TAS2R1: variants seen among roughly 807,000 people sequenced by gnomAD.
TAS2R1 encodes the protein taste receptor type 2 member 1.
For missense variants in TAS2R1, 370 were observed against 353.4 expected (o/e 1.05, Z -0.38); for synonymous variants, 141 against 134.2 (o/e 1.05, Z -0.35).
the TAS2R1 span, chr5:9,863,167 C>G: frequency 1.1e-4 from 16 of 152,124 alleles, no homozygotes; most frequent in African/African-American, 3.4e-4. Context: ...TAAACACTTC[C>G]CTCTACCACC....
chr5:9,819,096 C>T, the TAS2R1 span, among the ~76,000 whole-genome samples: 14 of 152,288 alleles, frequency 9.2e-5, no homozygotes, highest in East Asian at 2.5e-3. Context: ...CTCCTTAGAG[C>T]CCTCAGTTAC....
At chr5:9,854,841 G>A in the TAS2R1 span, among the ~76,000 whole-genome samples, 1 of 152,146 alleles carries the variant, frequency 6.6e-6, no homozygotes, top group African/African-American at 2.4e-5. Context: ...AGGATATTCA[G>A]CCCATATTAA....
At chr5:9,727,486 G>A in the TAS2R1 span, among the ~76,000 whole-genome samples, 1 of 152,184 alleles carries the variant, frequency 6.6e-6, no homozygotes, top group Non-Finnish European at 1.5e-5. Flanking sequence ...CCATGAGAAT[G>A]CTTTGGAGAT....
At chr5:9,891,543 T>C in the TAS2R1 span, among the ~76,000 whole-genome samples, 2 of 152,068 alleles carry the variant, frequency 1.3e-5, no homozygotes, top group African/African-American at 4.8e-5. Context: ...CAAAGGTGGC[T>C]GGGGGAGGGC....
intron 1 of TAS2R1, among the ~76,000 whole-genome samples, chr5:9,688,831 G>T (rs554114393): frequency 1.1e-4 from 17 of 152,046 alleles, no homozygotes; most frequent in Non-Finnish European, 2.5e-4. Flanking sequence ...TTGTAAAAGC[G>T]ACTGTCTGCA....
chr5:9,838,852 C>T, the TAS2R1 span, among the ~76,000 whole-genome samples: 18 of 152,176 alleles, frequency 1.2e-4, no homozygotes, highest in Non-Finnish European at 2.2e-4. Flanking sequence ...ACTGACCTCC[C>T]GTGCTTTTTC....
chr5:9,813,637 C>T, the TAS2R1 span, among the ~76,000 whole-genome samples: 1 of 152,208 alleles, frequency 6.6e-6, no homozygotes, highest in East Asian at 1.9e-4. Flanking sequence ...CTCTTTGTTA[C>T]AGTATAGATT....
intron 1 of TAS2R1, among the ~76,000 whole-genome samples, chr5:9,682,348 G>A (rs1003074848): frequency 6.6e-6 from 1 of 152,166 alleles, no homozygotes; most frequent in African/African-American, 2.4e-5. Flanking sequence ...AAGCTTACCT[G>A]GGGTTTCCCT....
the TAS2R1 span, among the ~76,000 whole-genome samples, chr5:9,807,996 C>T: frequency 1.3e-5 from 2 of 152,044 alleles, no homozygotes; most frequent in East Asian, 1.9e-4. Context: ...TGGGGTGTTG[C>T]TCTAAAAATC....
the TAS2R1 span, among the ~76,000 whole-genome samples, chr5:9,803,434 T>C: frequency 6.6e-6 from 1 of 152,188 alleles, no homozygotes; most frequent in African/African-American, 2.4e-5. Flanking sequence ...CCTAGGCACA[T>C]AGTCATCAGG....
intron 1 of TAS2R1, among the ~76,000 whole-genome samples, chr5:9,677,481 A>T (rs1740899313): frequency 6.6e-6 from 1 of 152,108 alleles, no homozygotes. Context: ...CTCATATCTT[A>T]AAAAGCATCT....
the TAS2R1 span, among the ~76,000 whole-genome samples, chr5:9,747,353 T>C: frequency 6.6e-6 from 1 of 151,922 alleles, no homozygotes; most frequent in South Asian, 2.1e-4. Context: ...AGGAAAGAGG[T>C]TTATTTGGCT....
the TAS2R1 span, among the ~76,000 whole-genome samples, chr5:9,791,300 C>T: frequency 3.3e-5 from 5 of 152,206 alleles, no homozygotes; most frequent in Admixed American, 6.5e-5. Flanking sequence ...GAGAGAAGAG[C>T]ATCTCAGGGT....
chr5:9,630,774 C>T (rs1739858118), upstream of TAS2R1, among the ~76,000 whole-genome samples: 1 of 152,180 alleles, frequency 6.6e-6, no homozygotes. Context: ...AATCTTTTCT[C>T]TCTTATTTTT....
the TAS2R1 span, among the ~76,000 whole-genome samples, chr5:9,746,344 G>A: frequency 2.6e-5 from 4 of 152,164 alleles, no homozygotes; most frequent in African/African-American, 9.7e-5. Flanking sequence ...CAACCATTGT[G>A]GAAGACAGTG....
chr5:9,693,139 C>T (rs1016583553), intron 1 of TAS2R1, among the ~76,000 whole-genome samples: 9 of 152,092 alleles, frequency 5.9e-5, no homozygotes, highest in African/African-American at 2.2e-4. Flanking sequence ...CTGCCTTCAT[C>T]CCCCAAAGTG....
Position 9,655,111 on chromosome 5 carries a change from T to C in TAS2R1, c.-81+4310A>G, listed in dbSNP as rs147039779. Among the ~76,000 whole-genome samples the C allele has an allele frequency of 9.2e-5, 14 of 152,244 alleles. No homozygotes were observed. In the East Asian group the frequency reaches 2.5e-3, roughly 27 times the overall value. Reference sequence around the variant, plus strand: ...TAGAATAGGCCAAGTTAACCTATGGTGATAGAAATCAGAAGAGGAATGTCC... The same window carrying C: ...TAGAATAGGCCAAGTTAACCTATGGCGATAGAAATCAGAAGAGGAATGTCC... On this transcript the variant is annotated intron_variant, in intron 2 of 2. Transcript: ENST00000506620.
chr5:9,787,915 C>T, the TAS2R1 span, among the ~76,000 whole-genome samples: 2 of 152,196 alleles, frequency 1.3e-5, no homozygotes, highest in Non-Finnish European at 2.9e-5. Flanking sequence ...TGCAGAATGA[C>T]AGCAATTTGA....
chr5:9,801,626 G>A, the TAS2R1 span, among the ~76,000 whole-genome samples: 19 of 152,172 alleles, frequency 1.2e-4, no homozygotes, highest in African/African-American at 4.1e-4. Context: ...CTGGTGGTCT[G>A]GGGCAAGTTC....
Sources: allele counts gnomAD v4.1 joint callset (sites outside exome capture counted in the v4.1 genomes callset), GRCh38; gene constraint gnomAD v4.1.1; transcripts MANE v1.5; gene names NCBI Gene and HGNC (gene_info 2026-07-23, HGNC 2026-07-21).